Variants in PSD2 observed in about 807,000 individuals in gnomAD.
PSD2 encodes the protein PH and SEC7 domain-containing protein 2.
Under a neutral mutation model 69.8 loss-of-function variants are expected in PSD2, and 38 were observed. The observed-to-expected ratio is 0.54, with a 90% CI of 0.42 to 0.71. PSD2 has a LOEUF of 0.71. PSD2 is among the 30% of genes least tolerant of loss of function. The pLI, the probability that PSD2 is intolerant of heterozygous loss-of-function variation, is 0.00. For synonymous variants in PSD2, 412 were observed against 423.0 expected (o/e 0.97, Z 0.32); for missense variants, 943 against 1,014.5 (o/e 0.93, Z 0.96).
chr5:139,788,659 C>T, the PSD2 span, among the ~76,000 whole-genome samples: 3 of 152,218 alleles, frequency 2.0e-5, no homozygotes, highest in Non-Finnish European at 4.4e-5. Flanking sequence ...CTCCCGGAGG[C>T]CCACAAAGGC....
Position 139,837,830 on chromosome 5 carries a change from C to T in PSD2, c.1823+48C>T, listed in dbSNP as rs1406445517. 5.8e-6 allele frequency: 9 copies of T among 1,562,782 alleles called. No homozygotes were observed. Among genetic ancestry groups the T allele is most frequent in the Non-Finnish European group, 7.9e-6 (9 of 1,145,550 alleles). On this transcript the variant is annotated intron_variant, in intron 12 of 14. Transcript: ENST00000274710. The surrounding 1 kb of genome is among the most constrained non-coding windows in gnomAD (Gnocchi z 5.0). ...CACTCCCACCTGGGGCCCAGGGCCA[C>T]AGTGACCCGGCACACAACCCCTCTC...
At chr5:139,811,364 G>A (rs913923810) in intron 2 of PSD2, among the ~76,000 whole-genome samples, 2 of 152,148 alleles carry the variant, frequency 1.3e-5, no homozygotes, top group Non-Finnish European at 2.9e-5. Flanking sequence ...AGGGGAAGGG[G>A]CACTTCCCAG....
chr5:139,819,081 T>G (rs1760192876), intron 5 of PSD2, among the ~76,000 whole-genome samples: 1 of 152,248 alleles, frequency 6.6e-6, no homozygotes. Flanking sequence ...ATATCCTGTC[T>G]CTTTGCATGC....
At chr5:139,838,023 A>G (rs1374400945) in intron 12 of PSD2, among the ~76,000 whole-genome samples, 1 of 152,208 alleles carries the variant, frequency 6.6e-6, no homozygotes, top group Non-Finnish European at 1.5e-5. Context: ...GGCTCCAGCA[A>G]CTGTGTTTAA....
chr5:139,817,778 T>C (rs1006189923), intron 5 of PSD2, among the ~76,000 whole-genome samples: 2 of 152,124 alleles, frequency 1.3e-5, no homozygotes, highest in African/African-American at 2.4e-5. Flanking sequence ...GGAAATGTAA[T>C]TGTGACTCTA....
At chr5:139,824,423 G>A (rs1298321425) in intron 7 of PSD2, among the ~76,000 whole-genome samples, 11 of 143,620 alleles carry the variant, frequency 7.7e-5, no homozygotes, top group Non-Finnish European at 1.1e-4. Context: ...TTGAGACGGA[G>A]TCTCACTCTG....
chr5:139,808,304 C>CTGTTCTGGCTG (rs1215226699), intron 1 of PSD2, among the ~76,000 whole-genome samples: 7 of 152,222 alleles, frequency 4.6e-5, no homozygotes, highest in Non-Finnish European at 8.8e-5. Context: ...AGAACACAGC[C>CTGTTCTGGCTG]TGTTACACAT....
the PSD2 span, chr5:139,746,133 C>T: frequency 6.6e-6 from 1 of 152,174 alleles, no homozygotes; most frequent in African/African-American, 2.4e-5. This position sits in a 1 kb window ranked among gnomAD's most constrained non-coding sequence, Gnocchi z 4.5. Flanking sequence ...ATCGTGAAAG[C>T]TGGACAAAAC....
In PSD2 at chr5:139,842,809, AT is replaced by A; in HGVS notation, c.*336del. The A allele has an allele frequency of 4.2e-6, 1 of 235,986 alleles. No homozygotes were observed. The highest frequency in any genetic ancestry group is 8.3e-6 in the Non-Finnish European group (1 of 120,486). 14.6% of individuals were successfully genotyped at this position (235,986 alleles called of 1,614,324 possible). A position where few individuals can be genotyped will look rare whatever the true frequency, so the allele number is the denominator to read the frequency against. On this transcript the variant is annotated 3_prime_UTR_variant, in exon 15 of 15. Transcript: ENST00000274710. ...TGTCTTCCCAGGTCTTTCTCTTCTC[AT>A]CAAGCTCCTCTCCTCATCTTTTTTG...
chr5:139,790,973 C>A (rs929165978), upstream of PSD2, among the ~76,000 whole-genome samples: 1 of 152,076 alleles, frequency 6.6e-6, no homozygotes, highest in Non-Finnish European at 1.5e-5. Flanking sequence ...ATCGCTTGAA[C>A]CCAGGAGGTG....
chr5:139,792,865 TCCTTC>T, upstream of PSD2, among the ~76,000 whole-genome samples: 1 of 100,380 alleles, frequency 1.0e-5, no homozygotes, highest in East Asian at 3.4e-4. Context: ...TGTCTTTCCT[TCCTTC>T]CTTCCTTCCT....
chr5:139,805,676 A>G (rs1285685922), intron 1 of PSD2, among the ~76,000 whole-genome samples: 1 of 152,170 alleles, frequency 6.6e-6, no homozygotes, highest in South Asian at 2.1e-4. Flanking sequence ...TGGCAGAAGA[A>G]GCTCTTTTAA....
At chr5:139,759,828 C>G in the PSD2 span, among the ~76,000 whole-genome samples, 1 of 152,244 alleles carries the variant, frequency 6.6e-6, no homozygotes, top group Non-Finnish European at 1.5e-5. Context: ...GGGCACAGAC[C>G]CCTCTCTGGC....
At chr5:139,822,620 G>T (rs972165639) in intron 6 of PSD2, 106 bp from the exon 7 acceptor site, 40 of 973,056 alleles carry the variant, frequency 4.1e-5, no homozygotes, top group Non-Finnish European at 5.4e-5. Flanking sequence ...TTGGCAGGCG[G>T]CCGGCCTCCC....
At chr5:139,808,977 G>C (rs372997062) in intron 1 of PSD2, among the ~76,000 whole-genome samples, 1 of 152,214 alleles carries the variant, frequency 6.6e-6, no homozygotes, top group Non-Finnish European at 1.5e-5. Context: ...AAGAACACGG[G>C]AAGAGGCTAG....
intron 7 of PSD2, among the ~76,000 whole-genome samples, chr5:139,825,439 T>A (rs1283481486): frequency 6.6e-6 from 1 of 152,236 alleles, no homozygotes; most frequent in East Asian, 1.9e-4. Context: ...GGTTCATATA[T>A]CTGGTTGTTC....
chr5:139,841,145 GATTGA>G (rs1760860996), intron 14 of PSD2, among the ~76,000 whole-genome samples: 1 of 152,122 alleles, frequency 6.6e-6, no homozygotes. Context: ...ATCTTTTTGT[GATTGA>G]ATTATTTTAC....
intron 14 of PSD2, among the ~76,000 whole-genome samples, chr5:139,841,259 G>A (rs1760863517): frequency 6.6e-6 from 1 of 151,798 alleles, no homozygotes; most frequent in Non-Finnish European, 1.5e-5. Context: ...TTTTTTTTTG[G>A]TGAAAAATCA....
At chr5:139,769,768 G>A in the PSD2 span, among the ~76,000 whole-genome samples, 1 of 152,084 alleles carries the variant, frequency 6.6e-6, no homozygotes, top group Non-Finnish European at 1.5e-5. Flanking sequence ...CACTGATGGT[G>A]GCAGTGGGGG....
Sources: allele counts gnomAD v4.1 joint callset (sites outside exome capture counted in the v4.1 genomes callset), GRCh38; gene constraint gnomAD v4.1.1; non-coding constraint Gnocchi (gnomAD v3.1); transcripts MANE v1.5; gene names NCBI Gene and HGNC (gene_info 2026-07-23, HGNC 2026-07-21).